Variants in DNAH6 observed in about 807,000 individuals in gnomAD.
The protein encoded by DNAH6 is dynein axonemal heavy chain 6.
In DNAH6, 340 loss-of-function variants were observed where a neutral mutation model predicts 491.4. The ratio of observed to expected loss-of-function variants is 0.69; its 90% CI spans 0.63 to 0.76. DNAH6 has a LOEUF of 0.76. Among genes scored for constraint, DNAH6 ranks in the 30% least tolerant of loss-of-function variants. The pLI, the probability that DNAH6 is intolerant of heterozygous loss-of-function variation, is 0.00. For missense variants in DNAH6, 4,443 were observed against 4,972.2 expected (o/e 0.89, Z 3.20); for synonymous variants, 1,603 against 1,686.1 (o/e 0.95, Z 1.21).
At chr2:84,741,877 C>G (rs1435383389) in intron 62 of DNAH6, among the ~76,000 whole-genome samples, 2 of 152,218 alleles carry the variant, frequency 1.3e-5, no homozygotes, top group Non-Finnish European at 2.9e-5. Context: ...CCTAGTGGGT[C>G]AAGGGTTTCT....
chr2:84,619,147 T>A (rs888713293), intron 23 of DNAH6, among the ~76,000 whole-genome samples: 116 of 152,306 alleles, frequency 7.6e-4, no homozygotes, highest in Non-Finnish European at 1.3e-3. Flanking sequence ...GCTGGCAAAA[T>A]TACATTATGC....
chr2:84,465,848 T>C, the DNAH6 span, among the ~76,000 whole-genome samples: 1 of 152,222 alleles, frequency 6.6e-6, no homozygotes, highest in Admixed American at 6.5e-5. Context: ...AAGACTAGAA[T>C]CTAATAATTC....
At chr2:84,597,650 C>G in intron 18 of DNAH6, among the ~76,000 whole-genome samples, 1 of 152,142 alleles carries the variant, frequency 6.6e-6, no homozygotes, top group Non-Finnish European at 1.5e-5. Context: ...CACGCAGAAA[C>G]TTCAATACAA....
At chr2:84,503,430 T>C in the DNAH6 span, among the ~76,000 whole-genome samples, 1 of 152,144 alleles carries the variant, frequency 6.6e-6, no homozygotes, top group Non-Finnish European at 1.5e-5. Context: ...ACAAGAGTCA[T>C]TTACACACCA....
Position 84,611,721 on chromosome 2 carries a change from T to C in DNAH6, c.3342T>C (p.Ile1114=), listed in dbSNP as rs1686353889. Residue 1114 remains isoleucine (I), a synonymous_variant, in exon 22 of 77, where the codon ATT becomes ATC. Transcript: ENST00000389394. ...GAAACTGGCTCTACCTAGAAAGTAT[T>C]TTCAATGCTCCAGACATTCAGAGGC... The part of the protein sequence containing the change: ...CQRNWLYLES[I]FNAPDIQRQL... The C allele has an allele frequency of 6.4e-7, 1 of 1,551,120 alleles. No individual in the cohort carries two copies. The highest frequency in any genetic ancestry group is 1.2e-5 in the South Asian group (1 of 84,012).
At chr2:84,691,712 C>A (rs1694861814) in intron 45 of DNAH6, among the ~76,000 whole-genome samples, 1 of 145,848 alleles carries the variant, frequency 6.9e-6, no homozygotes, top group Admixed American at 6.7e-5. Context: ...TTTCAACAAA[C>A]TTTATTTATA....
chr2:84,639,128 G>T (rs72922750), intron 31 of DNAH6, among the ~76,000 whole-genome samples: 10,768 of 152,132 alleles, frequency 0.071, 418 homozygotes, highest in Middle Eastern at 0.15. Flanking sequence ...CAGCTCAGGG[G>T]TCCCCCATAC....
chr2:84,518,259 G>C (rs1237733352), intron 2 of DNAH6, among the ~76,000 whole-genome samples: 4 of 152,210 alleles, frequency 2.6e-5, no homozygotes, highest in Non-Finnish European at 5.9e-5. Flanking sequence ...GAAGGATACA[G>C]TGGTGAACAA....
chr2:84,532,120 T>C (rs1401976428), intron 4 of DNAH6, among the ~76,000 whole-genome samples: 1 of 152,162 alleles, frequency 6.6e-6, no homozygotes, highest in East Asian at 1.9e-4. Context: ...GTAGAACTGA[T>C]TCTCATCTAT....
At position 84,805,698 on chromosome 2, in the gene DNAH6, C is replaced by G. The variant is rs1445454690; in HGVS notation, c.11515C>G (p.Leu3839Val). Residue 3839 changes from leucine (L) to valine (V), a missense_variant, in exon 71 of 77, where the codon CTT becomes GTT. By Grantham distance (32) the Leu-to-Val change is conservative (BLOSUM62 1). Coordinates refer to ENST00000389394, the MANE Select transcript of DNAH6 (RefSeq NM_001370.2). ...KETSTLINTI[L>V]EVQPRSSTGG... ...GACCAGCACTTTAATCAACACCATACTTGAGGTTCAGCCAAGGTCATCTAC... is the reference window on the plus strand; with the variant it reads ...GACCAGCACTTTAATCAACACCATAGTTGAGGTTCAGCCAAGGTCATCTAC... 3.2e-6 allele frequency: 5 copies of G among 1,551,654 alleles called. No homozygotes were observed. The African/African-American group carries it at 6.8e-5, about 21-fold the overall frequency.
At chr2:84,750,444 C>A (rs944648188) in intron 63 of DNAH6, among the ~76,000 whole-genome samples, 1 of 152,050 alleles carries the variant, frequency 6.6e-6, no homozygotes, top group African/African-American at 2.4e-5. Flanking sequence ...CTTGGCCTCC[C>A]AAAGTGCTGG....
At chr2:84,625,880 A>G (rs1450913730) in intron 29 of DNAH6, among the ~76,000 whole-genome samples, 1 of 152,148 alleles carries the variant, frequency 6.6e-6, no homozygotes, top group Non-Finnish European at 1.5e-5. Context: ...ACAGATATGG[A>G]CTCTGAAAAG....
intron 70 of DNAH6, among the ~76,000 whole-genome samples, chr2:84,801,800 C>G (rs956615400): frequency 6.6e-6 from 1 of 151,056 alleles, no homozygotes; most frequent in Non-Finnish European, 1.5e-5. Flanking sequence ...AGGAGAATTG[C>G]TTGAACCCAG....
At position 84,709,329 on chromosome 2, in the gene DNAH6, TC is replaced by T; in HGVS notation, c.9049-9del. 1 of 1,551,458 alleles carries T rather than the reference TC, an allele frequency of 6.4e-7. No homozygotes were observed. The highest frequency in any genetic ancestry group is 1.2e-5 in the South Asian group (1 of 84,046). The stretch of plus-strand genomic sequence containing the variant: ...TTCCTGACTCTACTCAAGTAAGCTT[TC>T]CCCCTTCTACAGCTTATAGAGTGTT... On this transcript the variant is annotated splice_polypyrimidine_tract_variant and intron_variant, in intron 54 of 76. Coordinates refer to ENST00000389394, the MANE Select transcript of DNAH6 (RefSeq NM_001370.2).
At chr2:84,793,664 G>C (rs1173076601) in intron 68 of DNAH6, among the ~76,000 whole-genome samples, 2 of 152,116 alleles carry the variant, frequency 1.3e-5, no homozygotes, top group Non-Finnish European at 2.9e-5. Context: ...ATACTCCTAG[G>C]AAGCTACAGA....
intron 47 of DNAH6, 107 bp from the exon 48 acceptor site, chr2:84,699,487 G>T: frequency 2.1e-6 from 2 of 961,734 alleles, no homozygotes; most frequent in Non-Finnish European, 3.0e-6. Flanking sequence ...CTACTATGCT[G>T]ACATTTTATA....
intron 63 of DNAH6, among the ~76,000 whole-genome samples, chr2:84,758,649 C>T (rs1385955064): frequency 6.6e-6 from 1 of 152,026 alleles, no homozygotes; most frequent in Non-Finnish European, 1.5e-5. Flanking sequence ...GTATGCAAAT[C>T]AATAAATGTG....
intron 22 of DNAH6, among the ~76,000 whole-genome samples, chr2:84,615,487 T>C (rs895971798): frequency 6.6e-6 from 1 of 152,180 alleles, no homozygotes; most frequent in African/African-American, 2.4e-5. Context: ...AGATTTGTTC[T>C]TTTTGCTTAG....
chr2:84,728,364 G>A (rs1698834451), intron 61 of DNAH6, among the ~76,000 whole-genome samples: 1 of 152,240 alleles, frequency 6.6e-6, no homozygotes, highest in South Asian at 2.1e-4. Context: ...TGACTCTGGT[G>A]GCCGAAGGCC....
Sources: allele counts gnomAD v4.1 joint callset (sites outside exome capture counted in the v4.1 genomes callset), GRCh38; gene constraint gnomAD v4.1.1; transcripts MANE v1.5; gene names NCBI Gene and HGNC (gene_info 2026-07-23, HGNC 2026-07-21).